Variants in DNAH5 observed in about 807,000 individuals in gnomAD.
DNAH5 encodes the protein dynein axonemal heavy chain 5, also known as axonemal beta dynein heavy chain 5.
Under a neutral mutation model 518.2 loss-of-function variants are expected in DNAH5, and 372 were observed. That is an observed-to-expected ratio of 0.72 (90% confidence interval 0.66 to 0.78). DNAH5 has a LOEUF of 0.78. Ranked by LOEUF, DNAH5 falls within the 30% of genes least tolerant of loss-of-function variation. DNAH5 has a pLI of 0.00. For missense variants in DNAH5, 5,523 were observed against 5,687.0 expected (o/e 0.97, Z 0.93); for synonymous variants, 2,039 against 2,025.9 (o/e 1.01, Z -0.17).
At chr5:13,838,623 T>A (rs189153277) in intron 35 of DNAH5, among the ~76,000 whole-genome samples, 2 of 152,284 alleles carry the variant, frequency 1.3e-5, no homozygotes, top group Non-Finnish European at 2.9e-5. Context: ...CACTCGGGGC[T>A]CTCACTGATT....
At chr5:13,986,150 G>A (rs775928605) in intron 1 of DNAH5, among the ~76,000 whole-genome samples, 3 of 152,212 alleles carry the variant, frequency 2.0e-5, no homozygotes, top group Non-Finnish European at 4.4e-5. Flanking sequence ...TCTCCTGCCG[G>A]AGGCGGAGGG....
chr5:13,810,450 A>G (rs1760472743), intron 44 of DNAH5, 190 bp from the exon 45 acceptor site: 1 of 656,552 alleles, frequency 1.5e-6, no homozygotes, highest in Non-Finnish European at 2.7e-6. Flanking sequence ...CTTTAAACAT[A>G]ATAGGGTTGG....
intron 17 of DNAH5, among the ~76,000 whole-genome samples, chr5:13,888,614 G>T (rs1376690150): frequency 6.6e-6 from 1 of 152,076 alleles, no homozygotes; most frequent in Non-Finnish European, 1.5e-5. Context: ...ACTCAAATTG[G>T]GTTCCACGAT....
Position 13,714,504 on chromosome 5 carries a change from C to T in DNAH5, c.13026G>A (p.Lys4342=), listed in dbSNP as rs369372511. 5.6e-6 allele frequency: 9 copies of T among 1,614,166 alleles called. No homozygotes were observed. The African/African-American group carries it at 1.1e-4, about 19-fold the overall frequency. Residue 4342 remains lysine, a synonymous_variant, in exon 75 of 79, where the codon AAG becomes AAA. Coordinates refer to ENST00000265104, the MANE Select transcript of DNAH5 (RefSeq NM_001369.3). The part of the protein sequence containing the change: ...VLDTILGIQP[K]DTSGGGDETR... ...TCTCATCCCCTCCACCAGAGGTGTC[C>T]TTGGGTTGGATGCCTAGGATGGTGT...
chr5:13,788,986 C>T (rs1371169052), intron 50 of DNAH5, 72 bp from the exon 51 acceptor site: 1 of 1,356,592 alleles, frequency 7.4e-7, no homozygotes, highest in Admixed American at 1.7e-5. Flanking sequence ...GTTGACAGTA[C>T]TGTAGAGTAT....
chr5:13,879,965 T>C (rs1418823720), intron 21 of DNAH5, among the ~76,000 whole-genome samples: 3 of 151,992 alleles, frequency 2.0e-5, no homozygotes, highest in Admixed American at 2.0e-4. Flanking sequence ...CAAAGGACAT[T>C]AAATAAGATT....
chr5:14,006,905 G>A (rs1366397374), intron 1 of DNAH5, among the ~76,000 whole-genome samples: 3 of 152,104 alleles, frequency 2.0e-5, no homozygotes, highest in African/African-American at 4.8e-5. Context: ...TCCTGCTGCT[G>A]CCTCCACAAT....
intron 27 of DNAH5, among the ~76,000 whole-genome samples, chr5:13,864,997 C>T (rs1053074036): frequency 7.0e-6 from 1 of 142,490 alleles, no homozygotes; most frequent in African/African-American, 2.6e-5. Flanking sequence ...AAATATGCAA[C>T]AAATAGCTCT....
At chr5:13,700,103 G>A (rs1258719994) in intron 78 of DNAH5, among the ~76,000 whole-genome samples, 1 of 152,172 alleles carries the variant, frequency 6.6e-6, no homozygotes, top group Non-Finnish European at 1.5e-5. Context: ...TTAGCTACAG[G>A]ATTAAACCAA....
intron 78 of DNAH5, among the ~76,000 whole-genome samples, chr5:13,695,738 G>A (rs1183741288): frequency 6.6e-6 from 1 of 152,114 alleles, no homozygotes; most frequent in East Asian, 1.9e-4. Context: ...GCCTGGTATA[G>A]TATGATGCCT....
rs768202760 is a variant in DNAH5, at chr5:13,770,729, T to C, written c.9605+20A>G. 3.7e-6 allele frequency: 6 copies of C among 1,606,004 alleles called. No individual in the cohort carries two copies. In the African/African-American group the frequency reaches 8.0e-5, roughly 21 times the overall value. On this transcript the variant is annotated intron_variant, in intron 56 of 78. Transcript: ENST00000265104. ...GAGCCACGGCTTTAATATAGCTTTG[T>C]ATAAGAACATCACACTTACCTGTTG... is the stretch of plus-strand genomic sequence containing the variant.
rs752638332 is a variant in DNAH5, at chr5:13,866,264, C to T, written c.4072G>A (p.Gly1358Ser). Residue 1358 changes from glycine to serine, a missense_variant, in exon 26 of 79, where the codon GGC becomes AGC. Transcript: ENST00000265104. ...TCACTGGCTTCCTGGGGCTTCAAGC[C>T]GCTAGCCATTGGACCATTCTGAACA... ...DYDLNGPMAS[G>S]LKPQEASDRL... 71 of 1,613,128 alleles carry T rather than the reference C, an allele frequency of 4.4e-5. No homozygotes were observed. Among genetic ancestry groups the T allele is most frequent in the Non-Finnish European group, 5.3e-5 (63 of 1,179,732 alleles).
At chr5:13,757,071 G>A (rs979842199) in intron 61 of DNAH5, among the ~76,000 whole-genome samples, 13 of 152,278 alleles carry the variant, frequency 8.5e-5, no homozygotes, top group African/African-American at 2.4e-4. Context: ...ATTCCATGGT[G>A]TACATGTACC....
At chr5:13,727,822 T>C (rs1745960193) in intron 69 of DNAH5, among the ~76,000 whole-genome samples, 166 bp from the exon 70 acceptor site, 2 of 152,188 alleles carry the variant, frequency 1.3e-5, no homozygotes, top group Admixed American at 1.3e-4. Flanking sequence ...GTGTAAAATC[T>C]AATGTCATTT....
chr5:13,988,118 G>C (rs1174110465), intron 1 of DNAH5, among the ~76,000 whole-genome samples: 1 of 152,104 alleles, frequency 6.6e-6, no homozygotes, highest in Non-Finnish European at 1.5e-5. Context: ...TTGCTATTTT[G>C]ACAAACTGAA....
rs1301229843 is a variant in DNAH5, at chr5:13,737,339, T to C, written c.11368A>G (p.Arg3790Gly). 1.2e-6 allele frequency: 2 copies of C among 1,614,002 alleles called. No individual in the cohort carries two copies. The highest frequency in any genetic ancestry group is 1.7e-5 in the Admixed American group (1 of 59,986). ...SLIVVLSNTKRTAEEVTQKLE... is the reference protein window; with the variant it reads ...SLIVVLSNTKGTAEEVTQKLE... Reference sequence around the variant, plus strand: ...TTCTGTGTCACCTCCTCGGCTGTCCTTTTTGTGTTACTCAGCACGACAATG... The same window carrying C: ...TTCTGTGTCACCTCCTCGGCTGTCCCTTTTGTGTTACTCAGCACGACAATG... The change falls in exon 66 of 79, where the codon AGG becomes GGG. Residue 3790 changes from arginine (R) to glycine (G), a missense_variant. Physicochemically the swap from Arg to Gly is moderately radical, Grantham distance 125. Around this residue, in one of 3 missense-constraint regions of DNAH5, gnomAD observed 5,121 missense variants for 5,223.3 expected, o/e 0.98. Coordinates refer to ENST00000265104, the MANE Select transcript of DNAH5 (RefSeq NM_001369.3).
intron 28 of DNAH5, among the ~76,000 whole-genome samples, chr5:13,863,018 T>TG (rs1768710204): frequency 6.6e-6 from 1 of 152,182 alleles, no homozygotes. Flanking sequence ...AAAGGAAAGA[T>TG]GACAGAAAAT....
chr5:13,966,517 C>A (rs1581063345), intron 1 of DNAH5, among the ~76,000 whole-genome samples: 1 of 152,188 alleles, frequency 6.6e-6, no homozygotes, highest in South Asian at 2.1e-4. Context: ...CACCTCCCCA[C>A]CAACATCTAT....
At chr5:13,729,759 G>C (rs1746240085) in intron 68 of DNAH5, among the ~76,000 whole-genome samples, 199 bp from the exon 69 acceptor site, 1 of 152,172 alleles carries the variant, frequency 6.6e-6, no homozygotes, top group Non-Finnish European at 1.5e-5. Flanking sequence ...TTAATCATCA[G>C]TAATATAACT....
Sources: allele counts gnomAD v4.1 joint callset (sites outside exome capture counted in the v4.1 genomes callset), GRCh38; gene constraint gnomAD v4.1.1; regional missense constraint gnomAD v4.1.1; transcripts MANE v1.5; gene names NCBI Gene and HGNC (gene_info 2026-07-23, HGNC 2026-07-21).